Variants in PKHD1L1 observed in about 807,000 individuals in gnomAD.
PKHD1L1 encodes the protein PKHD1 like 1.
A neutral mutation model predicts 462.9 loss-of-function variants in PKHD1L1; 434 were observed. The ratio of observed to expected loss-of-function variants is 0.94; its 90% CI spans 0.87 to 1.02. The LOEUF is 1.02. Among genes scored for constraint, PKHD1L1 ranks in the 50% least tolerant of loss-of-function variants. PKHD1L1 has a pLI of 0.00. For missense variants in PKHD1L1, 5,202 were observed against 5,096.1 expected (o/e 1.02, Z -0.63); for synonymous variants, 1,781 against 1,750.0 (o/e 1.02, Z -0.44).
At chr8:109,486,621 A>G (rs1419399717) in intron 58 of PKHD1L1, 27 bp from the exon 59 acceptor site, 1 of 1,600,276 alleles carries the variant, frequency 6.2e-7, no homozygotes, top group Admixed American at 1.7e-5. Flanking sequence ...CAGCATTGGC[A>G]ATAATCTAGC....
chr8:109,386,784 T>C (rs1049234837), intron 6 of PKHD1L1, among the ~76,000 whole-genome samples: 7 of 152,150 alleles, frequency 4.6e-5, no homozygotes, highest in African/African-American at 1.7e-4. Context: ...AGTCATCCGT[T>C]CCCATAATGA....
At chr8:109,388,627 C>T in intron 7 of PKHD1L1, 77 bp downstream of exon 7, 1 of 941,778 alleles carries the variant, frequency 1.1e-6, no homozygotes, top group Non-Finnish European at 1.6e-6. Flanking sequence ...GTAATTGCTA[C>T]CAATACTGCA....
intron 14 of PKHD1L1, among the ~76,000 whole-genome samples, chr8:109,404,219 G>A (rs867862224): frequency 2.0e-5 from 3 of 152,082 alleles, no homozygotes; most frequent in South Asian, 2.1e-4. Flanking sequence ...ACCTCTGCAT[G>A]TTGTCTGTGT....
intron 72 of PKHD1L1, among the ~76,000 whole-genome samples, chr8:109,515,726 A>G (rs1820235336): frequency 6.6e-6 from 1 of 152,162 alleles, no homozygotes; most frequent in Non-Finnish European, 1.5e-5. Flanking sequence ...AGCTAATATA[A>G]CATCAACTGA....
In PKHD1L1 at chr8:109,449,476, C is replaced by T. The variant is rs1483511088; in HGVS notation, c.6164C>T (p.Pro2055Leu). Reference protein sequence around the residue: ...SDYTTLLCEIPSNNGTGAEQA... With the variant: ...SDYTTLLCEILSNNGTGAEQA... ...TACACAACACTATTATGTGAAATTC[C>T]ATCTAATAATGGTAAGTTGTCAGAA... is the stretch of plus-strand genomic sequence containing the variant. Residue 2055 changes from proline (P) to leucine (L), a missense_variant, in exon 40 of 78, where the codon CCA (proline) becomes CTA (leucine). Transcript: ENST00000378402. The T allele has an allele frequency of 6.3e-7, 1 of 1,591,054 alleles. No individual in the cohort carries two copies. The highest frequency in any genetic ancestry group is 1.7e-5 in the Admixed American group (1 of 57,306).
In PKHD1L1 at chr8:109,502,071, C is replaced by CACCAT. The variant is rs1373514856; in HGVS notation, c.10829-2251_10829-2247dup. On this transcript the variant is annotated intron_variant, in intron 67 of 77. Transcript: ENST00000378402. Reference sequence around the variant, plus strand: ...TCCCACACCACACCACACCACACCACACCATACCACACCACACTCATTCAA... The same window carrying CACCAT: ...TCCCACACCACACCACACCACACCACACCATACCATACCACACCACACTCATTCAA... Among the ~76,000 whole-genome samples the CACCAT allele has an allele frequency of 2.0e-5, 3 of 152,148 alleles. No individual in the cohort carries two copies. In the East Asian group the frequency reaches 5.8e-4, roughly 29 times the overall value.
At position 109,483,029 on chromosome 8, in the gene PKHD1L1, T is replaced by G; in HGVS notation, c.9500T>G (p.Ile3167Arg). The change falls in exon 57 of 78, where the codon ATA becomes AGA. Residue 3167 changes from isoleucine to arginine, a missense_variant. Around this residue, in one of 3 missense-constraint regions of PKHD1L1, gnomAD observed 4,497 missense variants for 4,336.8 expected, o/e 1.04. Transcript: ENST00000378402. Reference protein sequence around the residue: ...ELDLHGIPHSIYKTKLSETAF... With the variant: ...ELDLHGIPHSRYKTKLSETAF... ...GATCTTCATGGAATTCCACATTCAA[T>G]ATATAAAACTAAGCTCTCAGAAACT... The G allele has an allele frequency of 6.3e-7, 1 of 1,598,842 alleles. No homozygotes were observed. Among genetic ancestry groups the G allele is most frequent in the Non-Finnish European group, 8.5e-7 (1 of 1,172,728 alleles).
chr8:109,517,538 TC>T (rs1214629104), intron 72 of PKHD1L1, among the ~76,000 whole-genome samples: 1 of 152,128 alleles, frequency 6.6e-6, no homozygotes, highest in African/African-American at 2.4e-5. Flanking sequence ...ATATATTCAT[TC>T]ATTATAATGA....
At chr8:109,507,438 G>A (rs190734448) in intron 68 of PKHD1L1, among the ~76,000 whole-genome samples, 39 of 152,164 alleles carry the variant, frequency 2.6e-4, no homozygotes, top group Non-Finnish European at 3.2e-4. Flanking sequence ...ATGACTTGTC[G>A]TTTTGAAATG....
rs576331484 is a variant in PKHD1L1 at position 109,438,798 on chromosome 8, A to G, written c.3761-99A>G. 5.9e-5 allele frequency: 59 copies of G among 993,172 alleles called. No homozygotes were observed. The East Asian group carries it at 1.1e-3, about 19-fold the overall frequency. 61.5% of individuals were successfully genotyped at this position (993,172 alleles called of 1,614,324 possible). ...AAAGTGTTAGGATTTCCTAAATCCAATGAAAGATGAGAGATGAATTGATTT... is the reference window on the plus strand; with the variant it reads ...AAAGTGTTAGGATTTCCTAAATCCAGTGAAAGATGAGAGATGAATTGATTT... On this transcript the variant is annotated intron_variant, in intron 31 of 77. Transcript: ENST00000378402.
chr8:109,446,425 T>G (rs181507824), intron 38 of PKHD1L1, among the ~76,000 whole-genome samples: 7 of 152,308 alleles, frequency 4.6e-5, no homozygotes, highest in African/African-American at 1.7e-4. Flanking sequence ...GTACATACAT[T>G]ATAAAGTTAA....
intron 35 of PKHD1L1, among the ~76,000 whole-genome samples, chr8:109,442,673 T>A (rs1269839438): frequency 6.6e-6 from 1 of 152,186 alleles, no homozygotes; most frequent in East Asian, 1.9e-4. Context: ...CATGTTGAAT[T>A]TTCTTTAAAT....
At chr8:109,408,312 C>T (rs550797459) in intron 18 of PKHD1L1, 106 bp downstream of exon 18, 197 of 1,045,528 alleles carry the variant, frequency 1.9e-4, no homozygotes, top group Middle Eastern at 1.7e-3. Flanking sequence ...CAAAAAAAAT[C>T]ACTGCAAATT....
chr8:109,518,688 G>T (rs897761674), intron 73 of PKHD1L1, among the ~76,000 whole-genome samples, 180 bp downstream of exon 73: 10 of 152,084 alleles, frequency 6.6e-5, no homozygotes, highest in Admixed American at 6.6e-4. Flanking sequence ...AACTGTTTTA[G>T]AATTGGAAGG....
chr8:109,520,259 C>A (rs1192933832), intron 73 of PKHD1L1, among the ~76,000 whole-genome samples: 2 of 152,048 alleles, frequency 1.3e-5, no homozygotes, highest in Admixed American at 6.6e-5. Flanking sequence ...TTGGACTCAG[C>A]ATGACTTTGC....
rs759411539 is a variant in PKHD1L1, at chr8:109,400,105, A to C, written c.1042A>C (p.Asn348His). 4.3e-6 allele frequency: 7 copies of C among 1,613,282 alleles called. No homozygotes were observed. In the South Asian group the frequency reaches 7.7e-5, roughly 18 times the overall value. The stretch of plus-strand genomic sequence containing the variant: ...GAGAGGCCTGAAGCTTGAGGTGTGG[A>C]ATAATAGCCGTCCAATACGTTTGGA... The part of the protein sequence containing the change: ...GGRGLKLEVW[N>H]NSRPIRLEEI... The change falls in exon 13 of 78, where the codon AAT (asparagine) becomes CAT (histidine). Residue 348 changes from asparagine to histidine, a missense_variant. Physicochemically the swap from Asn to His is moderately conservative, Grantham distance 68 (BLOSUM62 1). This residue lies in a region of PKHD1L1 where 4,497 missense variants were observed against 4,336.8 expected (regional missense o/e 1.04). Transcript: ENST00000378402.
rs1178270753 is a variant in PKHD1L1, at chr8:109,445,616, C to T, written c.5747C>T (p.Pro1916Leu). ...TTTACATATGCCCTGGAGGATACTC[C>T]ATTTCTCAGAGGAATTATCCCAAGC... ...LLFTYALEDTPFLRGIIPSRG... is the reference protein window; with the variant it reads ...LLFTYALEDTLFLRGIIPSRG... The change falls in exon 38 of 78, where the codon CCA becomes CTA. Residue 1916 changes from proline to leucine, a missense_variant. Pro to Leu is a moderately conservative substitution (Grantham distance 98). Transcript: ENST00000378402. 9 of 1,608,812 alleles carry T rather than the reference C, an allele frequency of 5.6e-6. No individual in the cohort carries two copies. Among genetic ancestry groups the T allele is most frequent in the Non-Finnish European group, 7.6e-6 (9 of 1,176,516 alleles).
intron 76 of PKHD1L1, among the ~76,000 whole-genome samples, chr8:109,526,249 C>T (rs1820807888): frequency 1.3e-5 from 2 of 152,292 alleles, no homozygotes; most frequent in South Asian, 2.1e-4. Context: ...CATCTAACTT[C>T]AAACAAATGT....
In PKHD1L1 at chr8:109,404,635, T is replaced by A. The variant is rs1426239482; in HGVS notation, c.1455T>A (p.Tyr485Ter). The A allele has an allele frequency of 1.2e-6, 2 of 1,609,020 alleles. No individual in the cohort carries two copies. The highest frequency in any genetic ancestry group is 1.7e-6 in the Non-Finnish European group (2 of 1,177,294). ...GACTGTACCAGTATCGAAATGTTTATACTGAACAACAAACAGGAGATGCAG... is the reference window on the plus strand; with the variant it reads ...GACTGTACCAGTATCGAAATGTTTAAACTGAACAACAAACAGGAGATGCAG... ...DVGLYQYRNV[Y>*]TEQQTGDAVN... The change falls in exon 15 of 78, where the codon TAT becomes TAA. Residue 485 changes from tyrosine (Y) to a stop codon, truncating the protein, a stop_gained. Transcript: ENST00000378402. LOFTEE classifies it high-confidence loss of function.
Sources: allele counts gnomAD v4.1 joint callset (sites outside exome capture counted in the v4.1 genomes callset), GRCh38; gene constraint gnomAD v4.1.1; regional missense constraint gnomAD v4.1.1; transcripts MANE v1.5; gene names NCBI Gene and HGNC (gene_info 2026-07-23, HGNC 2026-07-21).